PDE1C: variants seen among roughly 807,000 people sequenced by gnomAD.
PDE1C encodes dual specificity calcium/calmodulin-dependent 3',5'-cyclic nucleotide phosphodiesterase 1C.
Under a neutral mutation model 93.1 loss-of-function variants are expected in PDE1C, and 62 were observed. That is an observed-to-expected ratio of 0.67 (90% confidence interval 0.54 to 0.82). The LOEUF is 0.82. Among genes scored for constraint, PDE1C ranks in the 40% least tolerant of loss-of-function variants. PDE1C has a pLI of 0.00. For missense variants in PDE1C, 742 were observed against 884.6 expected, an observed-to-expected ratio of 0.84 and a Z score of 2.04; for synonymous variants, 325 against 310.1, an observed-to-expected ratio of 1.05 and a Z score of -0.50.
At chr7:31,854,567 C>T (rs1222670548) in intron 7 of PDE1C, among the ~76,000 whole-genome samples, 1 of 152,166 alleles carries the variant, frequency 6.6e-6, no homozygotes, top group Non-Finnish European at 1.5e-5. Context: ...AAGCAAGCCA[C>T]TTGTTCCCGC....
intron 3 of PDE1C, among the ~76,000 whole-genome samples, chr7:32,154,004 A>C (rs1299164819): frequency 6.6e-6 from 1 of 152,238 alleles, no homozygotes; most frequent in Non-Finnish European, 1.5e-5. Context: ...CCTTCATTCC[A>C]GTATTTTGGG....
chr7:32,047,255 G>T (rs1792732534), intron 2 of PDE1C, among the ~76,000 whole-genome samples: 1 of 152,110 alleles, frequency 6.6e-6, no homozygotes, highest in African/African-American at 2.4e-5. Flanking sequence ...TCTATTAAAA[G>T]AAACCGGATG....
At chr7:32,155,150 C>T (rs574627283) in intron 3 of PDE1C, among the ~76,000 whole-genome samples, 1 of 152,322 alleles carries the variant, frequency 6.6e-6, no homozygotes, top group East Asian at 1.9e-4. Flanking sequence ...GAACACAGAC[C>T]TTCTGCCTCA....
At chr7:31,851,204 T>C (rs1364971349) in intron 7 of PDE1C, among the ~76,000 whole-genome samples, 1 of 152,024 alleles carries the variant, frequency 6.6e-6, no homozygotes, top group Non-Finnish European at 1.5e-5. Flanking sequence ...TAGAGACAGA[T>C]GGAAAAATAC....
chr7:31,937,414 C>T (rs1405342179), intron 2 of PDE1C, among the ~76,000 whole-genome samples: 1 of 152,134 alleles, frequency 6.6e-6, no homozygotes, highest in Non-Finnish European at 1.5e-5. Context: ...TCTGTTTTGT[C>T]AGTCATAAGA....
Position 31,848,143 on chromosome 7 carries a change from T to C in PDE1C, c.852-47A>G, listed in dbSNP as rs1384783482. The C allele has an allele frequency of 1.9e-6, 3 of 1,598,152 alleles. No homozygotes were observed. The Admixed American group carries it at 5.1e-5, about 27-fold the overall frequency. ...ATTCAGAATGTTAAACAGTTGTGAT[T>C]TACTTGGGTAATTCTAACAGGCTAG... On this transcript the variant is annotated intron_variant, in intron 8 of 17. Coordinates refer to ENST00000396191, the MANE Select transcript of PDE1C (RefSeq NM_001191057.4).
chr7:32,345,567 G>A (rs1330233167), intron 1 of PDE1C, among the ~76,000 whole-genome samples: 1 of 152,138 alleles, frequency 6.6e-6, no homozygotes, highest in Non-Finnish European at 1.5e-5. Context: ...GAAAAGAAAA[G>A]TAATATCCTG....
chr7:32,298,531 C>T, intron 1 of PDE1C: 15 of 1,232,344 alleles, frequency 1.2e-5, no homozygotes, highest in Non-Finnish European at 1.6e-5. Flanking sequence ...GCCCGGAGAG[C>T]ACCCTCCGGC....
intron 1 of PDE1C, among the ~76,000 whole-genome samples, chr7:32,058,980 C>T (rs946956773): frequency 6.6e-6 from 1 of 151,032 alleles, no homozygotes; most frequent in African/African-American, 2.4e-5. Flanking sequence ...AAAAAAAAAC[C>T]TCATTTTTAC....
At chr7:31,664,897 C>G in the PDE1C span, among the ~76,000 whole-genome samples, 1 of 152,166 alleles carries the variant, frequency 6.6e-6, no homozygotes, top group Non-Finnish European at 1.5e-5. Context: ...ACTTGCCACT[C>G]AACAGCCAGA....
In PDE1C at chr7:32,411,998, C is replaced by T. The variant is rs188174043; in HGVS notation, c.310+15824G>A. On this transcript the variant is annotated intron_variant, in intron 1 of 1. Transcript: ENST00000672256. ...ACTGCCTTCTACCTCCATATCTTGT[C>T]CTACCAGGTTTTCAGAGACAAGAGC... 5.9e-5 allele frequency among the ~76,000 whole-genome samples: 9 copies of T among 152,168 alleles called. 1 individual carries two copies. The East Asian group carries it at 1.7e-3, about 29-fold the overall frequency.
At chr7:32,339,495 C>T (rs1194215190) in intron 1 of PDE1C, among the ~76,000 whole-genome samples, 1 of 152,132 alleles carries the variant, frequency 6.6e-6, no homozygotes, top group Non-Finnish European at 1.5e-5. Flanking sequence ...TTAGATGATA[C>T]ATTTTACATT....
chr7:31,636,809 T>G, the PDE1C span, among the ~76,000 whole-genome samples: 1 of 151,670 alleles, frequency 6.6e-6, no homozygotes, highest in Admixed American at 6.6e-5. Context: ...ACATGTGCCA[T>G]GTTGGTGTGC....
intron 6 of PDE1C, among the ~76,000 whole-genome samples, chr7:31,865,504 A>G (rs1795186185): frequency 6.6e-6 from 1 of 152,216 alleles, no homozygotes; most frequent in African/African-American, 2.4e-5. Context: ...AAGATGCTAC[A>G]TAGGACACCA....
At chr7:31,842,069 A>G (rs1791970970) in intron 9 of PDE1C, among the ~76,000 whole-genome samples, 1 of 152,138 alleles carries the variant, frequency 6.6e-6, no homozygotes, top group East Asian at 1.9e-4. Flanking sequence ...TCATCCAAAA[A>G]CACCCTCACA....
Position 32,375,891 on chromosome 7 carries a change from T to G in PDE1C, c.310+51931A>C, listed in dbSNP as rs142286130. Among the ~76,000 whole-genome samples, 64 of 152,352 alleles carry G rather than the reference T, an allele frequency of 4.2e-4. No homozygotes were observed. The East Asian group carries it at 0.011, about 27-fold the overall frequency. On this transcript the variant is annotated intron_variant, in intron 1 of 1. Coordinates refer to the PDE1C transcript ENST00000672256. ...TCACAACCAGGCCTGGTGCAGTGGCTCAACCTGTAATTCCAACAGTTTGGG... is the reference window on the plus strand; with the variant it reads ...TCACAACCAGGCCTGGTGCAGTGGCGCAACCTGTAATTCCAACAGTTTGGG...
At chr7:31,866,525 T>C (rs1795319251) in intron 6 of PDE1C, among the ~76,000 whole-genome samples, 1 of 151,914 alleles carries the variant, frequency 6.6e-6, no homozygotes, top group South Asian at 2.1e-4. Context: ...CAAAGAAAAA[T>C]TAAGGACCTA....
At chr7:32,140,308 T>C (rs1032052439) in intron 3 of PDE1C, among the ~76,000 whole-genome samples, 1 of 152,218 alleles carries the variant, frequency 6.6e-6, no homozygotes, top group Admixed American at 6.5e-5. Flanking sequence ...CTTGGGTATC[T>C]TGATCCCAAA....
the PDE1C span, chr7:31,643,163 G>A: frequency 6.2e-7 from 1 of 1,613,784 alleles, no homozygotes; most frequent in Non-Finnish European, 8.5e-7. Flanking sequence ...GAGTCTCAAA[G>A]GTCACCTGGA....
Sources: gnomAD v4.1 joint callset for allele counts (sites outside exome capture counted in the v4.1 genomes callset) on GRCh38, gnomAD v4.1.1 for gene constraint, MANE v1.5 for transcripts, NCBI Gene and HGNC (gene_info 2026-07-23, HGNC 2026-07-21) for gene names.